The following DLGAP2 variants were observed in gnomAD, a reference collection of about 807,000 sequenced individuals.
DLGAP2 encodes DLG associated protein 2.
In DLGAP2, 26 loss-of-function variants were observed where a neutral mutation model predicts 100.3. The ratio of observed to expected loss-of-function variants is 0.26; its 90% CI spans 0.19 to 0.36. DLGAP2 has a LOEUF of 0.36. DLGAP2 is among the 10% of genes least tolerant of loss of function. DLGAP2 has a pLI of 1.00. For synonymous variants in DLGAP2, 886 were observed against 630.1 expected, an observed-to-expected ratio of 1.41 and a Z score of -6.08; for missense variants, 1,858 against 1,453.2, an observed-to-expected ratio of 1.28 and a Z score of -4.53.
intron 3 of DLGAP2, among the ~76,000 whole-genome samples, chr8:1,364,511 T>C (rs7014644): frequency 1.7e-4 from 25 of 146,770 alleles, no homozygotes; most frequent in African/African-American, 3.3e-4. Context: ...GCGGGGGGGG[T>C]GCAGCGAAGC....
chr8:1,026,174 G>A (rs1206433290), intron 2 of DLGAP2, among the ~76,000 whole-genome samples: 7 of 152,210 alleles, frequency 4.6e-5, no homozygotes, highest in Admixed American at 2.0e-4. Context: ...AAATGGAATC[G>A]TTGTCACCTC....
intron 1 of DLGAP2, among the ~76,000 whole-genome samples, chr8:746,024 C>T (rs150878760): frequency 6.6e-6 from 1 of 152,312 alleles, no homozygotes; most frequent in East Asian, 1.9e-4. Context: ...CAACACTCTG[C>T]CCCCGTCACC....
chr8:863,299 G>T (rs1392614767), intron 1 of DLGAP2, among the ~76,000 whole-genome samples: 1 of 152,186 alleles, frequency 6.6e-6, no homozygotes, highest in Non-Finnish European at 1.5e-5. Context: ...GGATTTCCTT[G>T]TAAGTAAACC....
chr8:1,188,362 C>T (rs1320395059), intron 2 of DLGAP2, among the ~76,000 whole-genome samples: 4 of 134,856 alleles, frequency 3.0e-5, no homozygotes, highest in African/African-American at 6.5e-5. Context: ...ACCTCCGTGA[C>T]GTTTGCCTCA....
intron 2 of DLGAP2, among the ~76,000 whole-genome samples, chr8:1,204,203 C>A (rs912934255): frequency 2.0e-5 from 3 of 152,214 alleles, no homozygotes; most frequent in African/African-American, 7.2e-5. Flanking sequence ...AGAATATCAG[C>A]GGGTTTTTAT....
intron 2 of DLGAP2, among the ~76,000 whole-genome samples, chr8:1,073,454 T>C (rs1803496436): frequency 6.6e-6 from 1 of 152,222 alleles, no homozygotes. Context: ...AATACAGACA[T>C]GGATATGTAA....
intron 2 of DLGAP2, among the ~76,000 whole-genome samples, chr8:933,390 G>A (rs1799003154): frequency 6.6e-6 from 1 of 150,810 alleles, no homozygotes. Context: ...CAGATACCTG[G>A]CTGTGGGCAC....
At chr8:1,419,441 CGTGTGTGTGTGT>C (rs71190735) in intron 3 of DLGAP2, among the ~76,000 whole-genome samples, 4 of 52,994 alleles carry the variant, frequency 7.5e-5, no homozygotes, top group Non-Finnish European at 1.1e-4. Flanking sequence ...CACTCTGATA[CGTGTGTGTGTGT>C]GTGTGTGTGT....
At chr8:1,526,053 T>C (rs1800780230) in intron 4 of DLGAP2, among the ~76,000 whole-genome samples, 1 of 151,724 alleles carries the variant, frequency 6.6e-6, no homozygotes, top group South Asian at 2.1e-4. Context: ...AGCGCTCCAG[T>C]GAGCATTTCC....
intron 2 of DLGAP2, among the ~76,000 whole-genome samples, chr8:921,092 C>G (rs1268290390): frequency 6.6e-6 from 1 of 152,206 alleles, no homozygotes; most frequent in Admixed American, 6.5e-5. Context: ...TAATCCTTGC[C>G]TTGTCTTCCT....
At chr8:1,202,394 C>T (rs942263529) in intron 2 of DLGAP2, among the ~76,000 whole-genome samples, 3 of 151,904 alleles carry the variant, frequency 2.0e-5, no homozygotes, top group Admixed American at 6.6e-5. Flanking sequence ...GACGTCCATG[C>T]TGTTGTGGGG....
chr8:1,490,584 G>T (rs1289816013), intron 3 of DLGAP2, among the ~76,000 whole-genome samples: 2 of 152,186 alleles, frequency 1.3e-5, no homozygotes, highest in Non-Finnish European at 2.9e-5. Flanking sequence ...GCGCAGCCCT[G>T]GGCCACAGTC....
intron 6 of DLGAP2, among the ~76,000 whole-genome samples, chr8:1,599,645 T>C (rs925211066): frequency 2.6e-5 from 4 of 152,218 alleles, no homozygotes; most frequent in Non-Finnish European, 5.9e-5. Context: ...TCTTTGTCTT[T>C]TTAGATCGTT....
At chr8:1,602,460 T>C (rs1213110301) in intron 6 of DLGAP2, among the ~76,000 whole-genome samples, 1 of 152,236 alleles carries the variant, frequency 6.6e-6, no homozygotes, top group African/African-American at 2.4e-5. Context: ...ACAGGGAATA[T>C]ACTGATTCAT....
At chr8:1,214,010 CGGCTGTGGT>C (rs35410786) in intron 2 of DLGAP2, among the ~76,000 whole-genome samples, 15,009 of 152,080 alleles carry the variant, frequency 0.099, 1,533 homozygotes, top group African/African-American at 0.26. Context: ...TTCAGAGACC[CGGCTGTGGT>C]CTCTGTGCCT....
intron 3 of DLGAP2, among the ~76,000 whole-genome samples, chr8:1,359,469 G>T (rs527451630): frequency 4.3e-4 from 65 of 152,388 alleles, no homozygotes; most frequent in Non-Finnish European, 6.0e-4. Flanking sequence ...GTGGGGACAC[G>T]GGTGGTGCAG....
rs1316498391 is a variant in DLGAP2 at position 1,633,066 on chromosome 8, A to C, written c.1810+20A>C. On this transcript the variant is annotated intron_variant, in intron 8 of 14. Coordinates refer to ENST00000637795, the MANE Select transcript of DLGAP2 (RefSeq NM_001346810.2). ...CAGCAGGTAAGGGGACGCCATTTTC[A>C]GCCTTCCAGCGGGGACTCTAGAGGC... The C allele has an allele frequency of 6.2e-7, 1 of 1,613,646 alleles. No individual in the cohort carries two copies. The highest frequency in any genetic ancestry group is 8.5e-7 in the Non-Finnish European group (1 of 1,179,662).
Position 791,277 on chromosome 8 carries a change from A to G in DLGAP2, c.18+53452A>G, listed in dbSNP as rs771889316. On this transcript the variant is annotated intron_variant, in intron 1 of 14. Transcript: ENST00000637795. ...TCTGAGTGAATGAACCTCACTTCCC[A>G]TTTCTGGGAATTGTGTCACTGCCAG... Among the ~76,000 whole-genome samples, 4 of 152,084 alleles carry G rather than the reference A, an allele frequency of 2.6e-5. No homozygotes were observed. In the South Asian group the frequency reaches 8.3e-4, roughly 32 times the overall value.
intron 2 of DLGAP2, among the ~76,000 whole-genome samples, chr8:1,081,807 C>G (rs1385875688): frequency 6.6e-6 from 1 of 152,152 alleles, no homozygotes; most frequent in Non-Finnish European, 1.5e-5. Context: ...ATGTTCTGAA[C>G]TTAATTTCAC....
Sources: allele counts gnomAD v4.1 joint callset (sites outside exome capture counted in the v4.1 genomes callset), GRCh38; gene constraint gnomAD v4.1.1; transcripts MANE v1.5; gene names NCBI Gene and HGNC (gene_info 2026-07-23, HGNC 2026-07-21).